The following MDFIC variants were observed in gnomAD, a reference collection of about 807,000 sequenced individuals.
MDFIC encodes myoD family inhibitor domain-containing protein.
MDFIC carries 17 observed loss-of-function variants against 23.2 expected under a neutral mutation model. The ratio of observed to expected loss-of-function variants is 0.73; its 90% CI spans 0.50 to 1.10. The LOEUF (loss-of-function observed/expected upper bound fraction) is 1.10. Ranked by LOEUF, MDFIC falls within the 50% of genes least tolerant of loss-of-function variation. The pLI is 0.00. For synonymous variants in MDFIC, 120 were observed against 115.2 expected (o/e 1.04, Z -0.27); for missense variants, 356 against 316.6 (o/e 1.12, Z -0.95).
At chr7:114,971,096 A>G (rs546648996) in intron 3 of MDFIC, among the ~76,000 whole-genome samples, 42 of 152,338 alleles carry the variant, frequency 2.8e-4, no homozygotes, top group Admixed American at 1.0e-3. Context: ...TTTTACTTCA[A>G]CTAGTTAGAA....
chr7:115,013,167 A>G (rs1267216814), intron 4 of MDFIC, among the ~76,000 whole-genome samples: 2 of 152,150 alleles, frequency 1.3e-5, no homozygotes, highest in Admixed American at 6.5e-5. Context: ...CCATTCTGAT[A>G]TATTTTTTAG....
chr7:115,004,363 C>G (rs1243404606), intron 4 of MDFIC, among the ~76,000 whole-genome samples: 1 of 152,168 alleles, frequency 6.6e-6, no homozygotes, highest in Admixed American at 6.6e-5. Flanking sequence ...AATCCCAGCA[C>G]TTAGCCTGGC....
At chr7:114,999,498 A>T (rs1791415409) in intron 4 of MDFIC, among the ~76,000 whole-genome samples, 1 of 152,032 alleles carries the variant, frequency 6.6e-6, no homozygotes, top group Admixed American at 6.6e-5. Flanking sequence ...AGAAATACTA[A>T]TTTCTCTTAG....
At chr7:114,928,951 T>C (rs1297920659) in intron 2 of MDFIC, among the ~76,000 whole-genome samples, 5 of 152,120 alleles carry the variant, frequency 3.3e-5, no homozygotes, top group Non-Finnish European at 7.4e-5. Context: ...AGGGAATAGA[T>C]TTTTACTTAT....
intron 4 of MDFIC, among the ~76,000 whole-genome samples, chr7:114,999,416 A>G (rs954176500): frequency 1.3e-5 from 2 of 151,708 alleles, no homozygotes; most frequent in East Asian, 1.9e-4. Context: ...TTGTTTAGCT[A>G]TTTGCTGTTT....
At chr7:115,012,040 C>T (rs1005994185) in intron 4 of MDFIC, among the ~76,000 whole-genome samples, 5 of 152,212 alleles carry the variant, frequency 3.3e-5, no homozygotes, top group Non-Finnish European at 7.3e-5. Flanking sequence ...AATCCCATAT[C>T]CAGTGTTATC....
At chr7:114,946,509 C>T (rs745693855) in intron 3 of MDFIC, among the ~76,000 whole-genome samples, 3 of 152,148 alleles carry the variant, frequency 2.0e-5, no homozygotes, top group Non-Finnish European at 4.4e-5. Flanking sequence ...TTTTCCTTAG[C>T]TTCTCTTCTG....
intron 4 of MDFIC, among the ~76,000 whole-genome samples, chr7:114,991,994 C>A (rs1392348027): frequency 3.3e-5 from 5 of 152,146 alleles, no homozygotes; most frequent in Admixed American, 3.3e-4. Context: ...ATGAAATGTT[C>A]TTCCATTTGT....
At chr7:114,924,171 T>C (rs1011701530) in intron 2 of MDFIC, among the ~76,000 whole-genome samples, 1 of 152,250 alleles carries the variant, frequency 6.6e-6, no homozygotes, top group African/African-American at 2.4e-5. Context: ...CTCAGCTTTC[T>C]AAACAGAAAA....
intron 2 of MDFIC, among the ~76,000 whole-genome samples, chr7:114,927,737 T>C (rs1792221900): frequency 1.3e-5 from 2 of 152,190 alleles, no homozygotes; most frequent in Admixed American, 6.5e-5. Context: ...CATTGTAAAT[T>C]GGACTTTTAG....
intron 3 of MDFIC, among the ~76,000 whole-genome samples, chr7:114,967,630 C>T (rs1793124733): frequency 6.6e-6 from 1 of 152,002 alleles, no homozygotes; most frequent in Non-Finnish European, 1.5e-5. Context: ...TACATTTATT[C>T]TTTGTAATAT....
intron 2 of MDFIC, among the ~76,000 whole-genome samples, chr7:114,939,548 C>T (rs556228157): frequency 6.6e-6 from 1 of 152,194 alleles, no homozygotes; most frequent in South Asian, 2.1e-4. Context: ...GATAAATTGT[C>T]CATTAATAAC....
At chr7:114,998,097 A>C (rs1791379284) in intron 4 of MDFIC, among the ~76,000 whole-genome samples, 2 of 152,226 alleles carry the variant, frequency 1.3e-5, no homozygotes, top group Admixed American at 1.3e-4. Context: ...AGTTACAATA[A>C]TAGCACTAGA....
chr7:114,979,894 C>A, intron 4 of MDFIC, 113 bp downstream of exon 4: 1 of 1,321,600 alleles, frequency 7.6e-7, no homozygotes, highest in Non-Finnish European at 1.1e-6. Context: ...TTCAGACAAA[C>A]AGGAATTTTG....
chr7:114,957,488 A>G (rs1792905308), intron 3 of MDFIC, among the ~76,000 whole-genome samples: 1 of 152,146 alleles, frequency 6.6e-6, no homozygotes, highest in Admixed American at 6.5e-5. Flanking sequence ...GATACAGTTT[A>G]CCTAAGAGTC....
intron 3 of MDFIC, among the ~76,000 whole-genome samples, chr7:114,964,275 CAG>C (rs1793050463): frequency 6.6e-6 from 1 of 152,124 alleles, no homozygotes; most frequent in Non-Finnish European, 1.5e-5. Context: ...TTGAAAGAGG[CAG>C]ACACTTGCTA....
At chr7:114,983,961 T>C (rs910498732) in intron 4 of MDFIC, among the ~76,000 whole-genome samples, 2 of 152,162 alleles carry the variant, frequency 1.3e-5, no homozygotes, top group African/African-American at 4.8e-5. Context: ...TGAAATTATC[T>C]AATTATAAAT....
At chr7:115,000,031 A>G (rs573574134) in intron 4 of MDFIC, among the ~76,000 whole-genome samples, 40 of 152,280 alleles carry the variant, frequency 2.6e-4, no homozygotes, top group African/African-American at 9.1e-4. Context: ...AATGTCTTTA[A>G]AAAGAAGCAC....
intron 3 of MDFIC, among the ~76,000 whole-genome samples, chr7:114,946,380 G>T (rs891739382): frequency 6.6e-6 from 1 of 152,022 alleles, no homozygotes; most frequent in African/African-American, 2.4e-5. Flanking sequence ...AGTGCCTCAG[G>T]TCTCTATCTC....
Sources: gnomAD v4.1 joint callset for allele counts (sites outside exome capture counted in the v4.1 genomes callset) on GRCh38, gnomAD v4.1.1 for gene constraint, MANE v1.5 for transcripts, NCBI Gene and HGNC (gene_info 2026-07-23, HGNC 2026-07-21) for gene names.